The following TACR3 variants were observed in gnomAD, a reference collection of about 807,000 sequenced individuals.
TACR3 encodes neuromedin-K receptor.
Under a neutral mutation model 35.0 loss-of-function variants are expected in TACR3, and 34 were observed. The ratio of observed to expected loss-of-function variants is 0.97; its 90% CI spans 0.74 to 1.30. The LOEUF (loss-of-function observed/expected upper bound fraction) is 1.30. TACR3 is among the 50% of genes most tolerant of loss of function. The pLI, the probability that TACR3 is intolerant of heterozygous loss-of-function variation, is 0.00. For missense variants in TACR3, 558 were observed against 591.7 expected (o/e 0.94, Z 0.59); for synonymous variants, 233 against 221.1 (o/e 1.05, Z -0.48).
At position 103,596,870 on chromosome 4, in the gene TACR3, C is replaced by A. The variant is rs13139861; in HGVS notation, c.889-5187G>T. 1.3e-4 allele frequency among the ~76,000 whole-genome samples: 19 copies of A among 151,474 alleles called. 1 individual carries two copies. Among genetic ancestry groups the A allele is most frequent in the South Asian group, 4.2e-4 (2 of 4,780 alleles). On this transcript the variant is annotated intron_variant, in intron 3 of 4. Coordinates refer to ENST00000304883, the MANE Select transcript of TACR3 (RefSeq NM_001059.3). ...CATGCAGTTTGGTTTTTTGTCCTTGCGATAGTTTGCTGAGAATGATGGTTT... is the reference window on the plus strand; with the variant it reads ...CATGCAGTTTGGTTTTTTGTCCTTGAGATAGTTTGCTGAGAATGATGGTTT...
At chr4:103,661,289 A>G (rs1343879124) in intron 1 of TACR3, among the ~76,000 whole-genome samples, 1 of 152,162 alleles carries the variant, frequency 6.6e-6, no homozygotes, top group African/African-American at 2.4e-5. Flanking sequence ...CAAAGGTAAA[A>G]TATATAAAGG....
At chr4:103,632,003 T>G (rs1725077053) in intron 3 of TACR3, among the ~76,000 whole-genome samples, 1 of 152,162 alleles carries the variant, frequency 6.6e-6, no homozygotes, top group African/African-American at 2.4e-5. Flanking sequence ...GGGGTCTAAT[T>G]GTAAACTAAA....
intron 3 of TACR3, among the ~76,000 whole-genome samples, chr4:103,640,679 G>A (rs1241451006): frequency 6.6e-6 from 1 of 151,876 alleles, no homozygotes; most frequent in Non-Finnish European, 1.5e-5. Context: ...TGTGGCCCAG[G>A]ATGGCTTTGA....
Position 103,586,458 on chromosome 4 carries a change from C to A in TACR3, c.*3224G>T, listed in dbSNP as rs1723774222. 6.6e-6 allele frequency: 1 copy of A among 151,960 alleles called. No homozygotes were observed. The highest frequency in any genetic ancestry group is 2.4e-5 in the African/African-American group (1 of 41,372). The allele number at this position is 151,960 out of a possible 1,614,324, so 9.4% of individuals were successfully genotyped here. A position where few individuals can be genotyped will look rare whatever the true frequency, so the allele number is the denominator to read the frequency against. The stretch of plus-strand genomic sequence containing the variant: ...CTTTTCTATTTGATGAAATAGTTTA[C>A]CAGGTACTAATCATAAATTTTTAGA... On this transcript the variant is annotated 3_prime_UTR_variant, in exon 5 of 5. Coordinates refer to ENST00000304883, the MANE Select transcript of TACR3 (RefSeq NM_001059.3).
chr4:103,623,796 T>G lies in TACR3; in HGVS notation c.889-32113A>C, dbSNP rs146346399. On this transcript the variant is annotated intron_variant, in intron 3 of 4. Transcript: ENST00000304883. ...GCATAGTCCTTCTTGCAAAAATTTC[T>G]TGCTTGGTAATGAAATTTTCTAGGA... is the stretch of plus-strand genomic sequence containing the variant. 6.6e-3 allele frequency among the ~76,000 whole-genome samples: 1,012 copies of G among 152,306 alleles called. 9 individuals carry two copies. Among genetic ancestry groups the G allele is most frequent in the African/African-American group, 0.023 (946 of 41,586 alleles).
chr4:103,710,071 C>T (rs767740868), intron 1 of TACR3, among the ~76,000 whole-genome samples: 3 of 152,170 alleles, frequency 2.0e-5, no homozygotes, highest in Non-Finnish European at 4.4e-5. Context: ...GACTTTAACA[C>T]TCCCCTGTCA....
intron 3 of TACR3, among the ~76,000 whole-genome samples, chr4:103,602,814 C>A (rs1461919357): frequency 2.0e-5 from 3 of 152,160 alleles, no homozygotes; most frequent in Admixed American, 6.5e-5. Flanking sequence ...AGGGTGCCTC[C>A]CATTTAGGCT....
At chr4:103,707,299 G>C (rs894770861) in intron 1 of TACR3, among the ~76,000 whole-genome samples, 2 of 148,654 alleles carry the variant, frequency 1.3e-5, no homozygotes, top group Admixed American at 6.7e-5. Context: ...AAGAGACTCA[G>C]AGACATATTT....
At chr4:103,707,646 C>A (rs187982693) in intron 1 of TACR3, among the ~76,000 whole-genome samples, 1 of 151,628 alleles carries the variant, frequency 6.6e-6, no homozygotes, top group African/African-American at 2.4e-5. Flanking sequence ...GTTTGTCAGA[C>A]AGTGGGTACA....
intron 1 of TACR3, among the ~76,000 whole-genome samples, chr4:103,686,472 AC>A (rs1320126091): frequency 6.6e-6 from 1 of 152,150 alleles, no homozygotes. Context: ...AAACTGTCAA[AC>A]AAACACTCCA....
chr4:103,668,406 G>A (rs900082620), intron 1 of TACR3, among the ~76,000 whole-genome samples: 2 of 152,298 alleles, frequency 1.3e-5, no homozygotes, highest in African/African-American at 2.4e-5. Flanking sequence ...TCATTTGCTG[G>A]TGGAGATTCT....
intron 1 of TACR3, among the ~76,000 whole-genome samples, chr4:103,677,415 T>A (rs988830617): frequency 6.6e-5 from 10 of 152,178 alleles, no homozygotes; most frequent in African/African-American, 2.4e-4. Context: ...ATGTGTATGT[T>A]TATTGCAGCA....
At chr4:103,595,946 T>G (rs1724004439) in intron 3 of TACR3, among the ~76,000 whole-genome samples, 1 of 136,810 alleles carries the variant, frequency 7.3e-6, no homozygotes, top group East Asian at 2.3e-4. Context: ...TTCCCCTTCC[T>G]GTGTCCATAT....
At chr4:103,650,521 T>G (rs1725568172) in intron 3 of TACR3, among the ~76,000 whole-genome samples, 1 of 130,906 alleles carries the variant, frequency 7.6e-6, no homozygotes, top group African/African-American at 2.8e-5. Flanking sequence ...TATATAAATA[T>G]GTATTATTTA....
chr4:103,616,316 G>T (rs1724659731), intron 3 of TACR3, among the ~76,000 whole-genome samples: 1 of 151,910 alleles, frequency 6.6e-6, no homozygotes, highest in Non-Finnish European at 1.5e-5. Context: ...GTGTGTGTGT[G>T]TGTTTGTGTA....
intron 1 of TACR3, among the ~76,000 whole-genome samples, chr4:103,708,416 C>G (rs954531053): frequency 6.6e-6 from 1 of 152,182 alleles, no homozygotes; most frequent in African/African-American, 2.4e-5. Flanking sequence ...GGACCTCCAG[C>G]AAACACCAAC....
At chr4:103,599,759 G>T (rs183428810) in intron 3 of TACR3, among the ~76,000 whole-genome samples, 2 of 152,076 alleles carry the variant, frequency 1.3e-5, no homozygotes, top group Admixed American at 6.6e-5. Flanking sequence ...GATTAGATTT[G>T]TTGATTTGCG....
chr4:103,620,901 T>TAAAAG (rs60906380), intron 3 of TACR3, among the ~76,000 whole-genome samples: 1 of 151,532 alleles, frequency 6.6e-6, no homozygotes, highest in African/African-American at 2.4e-5. Context: ...TTTTAAAAAA[T>TAAAAG]AAAGATTCCA....
At chr4:103,699,395 C>G (rs1024205395) in intron 1 of TACR3, among the ~76,000 whole-genome samples, 3 of 152,070 alleles carry the variant, frequency 2.0e-5, no homozygotes, top group African/African-American at 7.2e-5. Flanking sequence ...TACAGAGTAA[C>G]AAAGGACCAG....
Sources: gnomAD v4.1 joint callset for allele counts (sites outside exome capture counted in the v4.1 genomes callset) on GRCh38, gnomAD v4.1.1 for gene constraint, MANE v1.5 for transcripts, NCBI Gene and HGNC (gene_info 2026-07-23, HGNC 2026-07-21) for gene names.